IRAK1BP1: variants seen among roughly 807,000 people sequenced by gnomAD.
The protein encoded by IRAK1BP1 is interleukin 1 receptor associated kinase 1 binding protein 1.
IRAK1BP1 carries 24 observed loss-of-function variants against 28.0 expected under a neutral mutation model. The ratio of observed to expected loss-of-function variants is 0.86; its 90% CI spans 0.62 to 1.20. The LOEUF (loss-of-function observed/expected upper bound fraction) is 1.20, where lower values mean the gene tolerates loss of function less well. IRAK1BP1 is among the 50% of genes most tolerant of loss of function. The probability of loss-of-function intolerance (pLI) is 0.00; values close to 1 mark genes in which losing one functional copy is unlikely to be tolerated. For synonymous variants in IRAK1BP1, 131 were observed against 116.3 expected (o/e 1.13, Z -0.81); for missense variants, 336 against 316.7 (o/e 1.06, Z -0.46).
intron 4 of IRAK1BP1, among the ~76,000 whole-genome samples, chr6:78,909,435 C>T (rs1157872698): frequency 6.6e-6 from 1 of 152,180 alleles, no homozygotes. Flanking sequence ...TAGCTTCTCT[C>T]AGCAATTTTC....
At chr6:78,870,885 A>G (rs1297115519) in intron 1 of IRAK1BP1, among the ~76,000 whole-genome samples, 1 of 151,736 alleles carries the variant, frequency 6.6e-6, no homozygotes, top group African/African-American at 2.4e-5. Context: ...TAATTTTTGT[A>G]TGTTTAGTAG....
At chr6:78,967,330 C>T in the IRAK1BP1 span, among the ~76,000 whole-genome samples, 12 of 152,114 alleles carry the variant, frequency 7.9e-5, no homozygotes, top group African/African-American at 2.6e-4. Context: ...TTCTTGACAC[C>T]ACCACTACCT....
chr6:78,869,267 G>A (rs1440081222), intron 1 of IRAK1BP1, among the ~76,000 whole-genome samples: 1 of 152,072 alleles, frequency 6.6e-6, no homozygotes, highest in Non-Finnish European at 1.5e-5. Context: ...TGCCTGTAAT[G>A]CCAACACTTT....
chr6:78,936,455 C>T (rs1190018352), intron 4 of IRAK1BP1: 2 of 151,874 alleles, frequency 1.3e-5, no homozygotes, highest in East Asian at 1.9e-4. Flanking sequence ...AATCAACACA[C>T]ACAATCTTAA....
the IRAK1BP1 span, among the ~76,000 whole-genome samples, chr6:78,968,208 G>A: frequency 6.6e-6 from 1 of 152,138 alleles, no homozygotes; most frequent in Admixed American, 6.5e-5. Flanking sequence ...ATGTACCAAA[G>A]GCTGATAGCC....
At chr6:78,905,759 G>C (rs1772246861), downstream of IRAK1BP1, among the ~76,000 whole-genome samples, 1 of 152,058 alleles carries the variant, frequency 6.6e-6, no homozygotes, top group Non-Finnish European at 1.5e-5. Flanking sequence ...ATGCTACCAT[G>C]CCTGGCTAAT....
chr6:78,972,730 T>C, the IRAK1BP1 span, among the ~76,000 whole-genome samples: 1 of 152,034 alleles, frequency 6.6e-6, no homozygotes, highest in Non-Finnish European at 1.5e-5. Context: ...ATGTGAAGAA[T>C]GCAGAAGCCT....
At chr6:78,890,956 G>A (rs576541825) in intron 2 of IRAK1BP1, among the ~76,000 whole-genome samples, 7 of 152,084 alleles carry the variant, frequency 4.6e-5, no homozygotes, top group Admixed American at 6.6e-5. Context: ...CCTACCATAC[G>A]TGAGGAAGCA....
intron 1 of IRAK1BP1, among the ~76,000 whole-genome samples, chr6:78,883,343 G>T (rs1771299078): frequency 6.6e-6 from 1 of 152,136 alleles, no homozygotes; most frequent in Admixed American, 6.5e-5. Flanking sequence ...TATATGCATT[G>T]ATGGTTTATT....
chr6:78,946,055 C>G (rs1333910178), exon 5 of IRAK1BP1: 1 of 1,612,820 alleles, frequency 6.2e-7, no homozygotes, highest in Admixed American at 1.7e-5. Flanking sequence ...GTCTTTGCAG[C>G]TGAAGAAGTA....
chr6:78,869,557 A>T (rs1581984309), intron 1 of IRAK1BP1, among the ~76,000 whole-genome samples: 1 of 152,206 alleles, frequency 6.6e-6, no homozygotes, highest in African/African-American at 2.4e-5. Context: ...TCCAACTTAG[A>T]GTAATCAAGA....
At chr6:78,950,000 T>TA, downstream of IRAK1BP1, among the ~76,000 whole-genome samples, 1 of 151,944 alleles carries the variant, frequency 6.6e-6, no homozygotes, top group Non-Finnish European at 1.5e-5. Flanking sequence ...GGGACTCGAG[T>TA]ATAATAAACT....
rs1396989270 is a variant in IRAK1BP1, at chr6:78,898,835, A to G, written c.*501A>G. The G allele has an allele frequency of 2.0e-5, 3 of 152,334 alleles. No individual in the cohort carries two copies. Among genetic ancestry groups the G allele is most frequent in the Admixed American group, 1.3e-4 (2 of 15,300 alleles). 9.4% of individuals were successfully genotyped at this position (152,334 alleles called of 1,614,324 possible). On this transcript the variant is annotated 3_prime_UTR_variant, in exon 4 of 4. Transcript: ENST00000369940. ...ACCTAATAATTTTCCACAACTAAAA[A>G]TGAGTATAAATACATAATTTTAAGT... is the stretch of plus-strand genomic sequence containing the variant.
chr6:78,961,018 A>G, the IRAK1BP1 span, among the ~76,000 whole-genome samples: 1 of 151,972 alleles, frequency 6.6e-6, no homozygotes, highest in Non-Finnish European at 1.5e-5. Flanking sequence ...ATAAAAATTA[A>G]AACTAAAAAC....
At chr6:78,923,267 T>C (rs555865598) in intron 4 of IRAK1BP1, among the ~76,000 whole-genome samples, 106 of 150,768 alleles carry the variant, frequency 7.0e-4, no homozygotes, top group African/African-American at 2.5e-3. Flanking sequence ...GGCAGGGGTT[T>C]CAATCCTAGA....
chr6:78,872,183 T>G, intron 1 of IRAK1BP1: 1 of 692,780 alleles, frequency 1.4e-6, no homozygotes, highest in Non-Finnish European at 2.6e-6. Flanking sequence ...GGATTAAATT[T>G]GAGCTGACCA....
At chr6:78,949,049 T>G (rs1045684033), downstream of IRAK1BP1, among the ~76,000 whole-genome samples, 12 of 152,144 alleles carry the variant, frequency 7.9e-5, no homozygotes, top group Non-Finnish European at 1.8e-4. Context: ...GAGTGAACAT[T>G]TTTCAGTCAT....
intron 4 of IRAK1BP1, among the ~76,000 whole-genome samples, chr6:78,933,641 C>T (rs1773145333): frequency 6.6e-6 from 1 of 151,000 alleles, no homozygotes; most frequent in African/African-American, 2.4e-5. Context: ...CCAAAACCAT[C>T]ATGAACCAAC....
intron 2 of IRAK1BP1, among the ~76,000 whole-genome samples, chr6:78,889,854 CAG>C (rs199952458): frequency 0.021 from 3,207 of 152,246 alleles, 114 homozygotes; most frequent in African/African-American, 0.072. Flanking sequence ...TTTTGGAAGA[CAG>C]TGTGGCAATT....
Sources: allele counts gnomAD v4.1 joint callset (sites outside exome capture counted in the v4.1 genomes callset), GRCh38; gene constraint gnomAD v4.1.1; transcripts MANE v1.5; gene names NCBI Gene and HGNC (gene_info 2026-07-23, HGNC 2026-07-21).